SAP130: variants seen among roughly 807,000 people sequenced by gnomAD.
SAP130 encodes the protein histone deacetylase complex subunit SAP130.
Under a neutral mutation model 103.2 loss-of-function variants are expected in SAP130, and 16 were observed. The observed-to-expected ratio is 0.16, with a 90% CI of 0.10 to 0.24. SAP130 has a LOEUF of 0.24. Among genes scored for constraint, SAP130 ranks in the 10% least tolerant of loss-of-function variants. SAP130 has a pLI of 1.00. For synonymous variants in SAP130, 477 were observed against 497.0 expected (o/e 0.96, Z 0.53); for missense variants, 990 against 1,359.7 (o/e 0.73, Z 4.28).
At chr2:128,003,324 T>C (rs756371934) in intron 7 of SAP130, among the ~76,000 whole-genome samples, 2 of 151,626 alleles carry the variant, frequency 1.3e-5, no homozygotes, top group African/African-American at 2.4e-5. Flanking sequence ...CTGAGCAACA[T>C]GGCAAGGCCC....
chr2:127,998,838 C>T (rs1340203999), intron 10 of SAP130, among the ~76,000 whole-genome samples: 3 of 152,146 alleles, frequency 2.0e-5, no homozygotes, highest in African/African-American at 4.8e-5. Context: ...TACAAATACC[C>T]GAGTGAGGCT....
intron 19 of SAP130, 36 bp downstream of exon 19, chr2:127,945,420 T>C (rs1250616086): frequency 7.8e-7 from 1 of 1,285,148 alleles, no homozygotes; most frequent in Admixed American, 1.7e-5. Context: ...TTCTCCTCTC[T>C]TCAGCATGAT....
chr2:127,965,654 G>A (rs1573678536), intron 15 of SAP130, among the ~76,000 whole-genome samples: 2 of 152,178 alleles, frequency 1.3e-5, no homozygotes, highest in African/African-American at 4.8e-5. Context: ...GCTGGGCATA[G>A]TGGCACACGC....
Position 128,005,281 on chromosome 2 carries a change from G to C in SAP130, c.870-4827C>G, listed in dbSNP as rs144353077. Reference sequence around the variant, plus strand: ...AAAATGCAGTCAAGGGCGGAGAAGAGTATGAAAGCAACATTAAAGGGAACA... The same window carrying C: ...AAAATGCAGTCAAGGGCGGAGAAGACTATGAAAGCAACATTAAAGGGAACA... On this transcript the variant is annotated intron_variant, in intron 7 of 20. Transcript: ENST00000643581. Among the ~76,000 whole-genome samples the C allele has an allele frequency of 1.4e-4, 22 of 152,250 alleles. No homozygotes were observed. The East Asian group carries it at 4.3e-3, about 29-fold the overall frequency.
intron 2 of SAP130, among the ~76,000 whole-genome samples, chr2:128,025,409 C>T (rs1685435716): frequency 6.6e-6 from 1 of 152,188 alleles, no homozygotes; most frequent in African/African-American, 2.4e-5. Context: ...TTCTACCACT[C>T]AAAGGGTATA....
chr2:127,942,355 G>A lies in SAP130; in HGVS notation c.3015+69C>T. 8.3e-7 allele frequency: 1 copy of A among 1,200,028 alleles called. No individual in the cohort carries two copies. Among genetic ancestry groups the A allele is most frequent in the Non-Finnish European group, 1.2e-6 (1 of 808,378 alleles). The allele number at this position is 1,200,028 out of a possible 1,614,324, so 74.3% of individuals were successfully genotyped here. On this transcript the variant is annotated intron_variant, in intron 20 of 20. Transcript: ENST00000643581. This position sits in a 1 kb window ranked among gnomAD's most constrained non-coding sequence, Gnocchi z 4.8. ...ATATGAGGGAGACGGGGGGAAACGG[G>A]AGAAGTAGGGCTTTACAGAAAGCAA...
At chr2:127,976,200 A>G (rs1042316085) in intron 15 of SAP130, among the ~76,000 whole-genome samples, 1 of 152,194 alleles carries the variant, frequency 6.6e-6, no homozygotes, top group Non-Finnish European at 1.5e-5. Flanking sequence ...AAGTATCCTT[A>G]TATCAAAGCC....
At position 127,974,954 on chromosome 2, in the gene SAP130, G is replaced by A. The variant is rs766609925; in HGVS notation, c.2063+3031C>T. The stretch of plus-strand genomic sequence containing the variant: ...GCAATAGGTTGTACCACATAGTCTA[G>A]GTATGCAGTAGGCCATCCCATATAG... On this transcript the variant is annotated intron_variant, in intron 15 of 20. Transcript: ENST00000643581. 4.1e-4 allele frequency among the ~76,000 whole-genome samples: 62 copies of A among 152,160 alleles called. 1 individual carries two copies. The highest frequency in any genetic ancestry group is 1.3e-4 in the Admixed American group (2 of 15,268).
At chr2:128,027,107 G>GCA in intron 1 of SAP130, 1 of 1,416,340 alleles carries the variant, frequency 7.1e-7, no homozygotes, top group Non-Finnish European at 9.3e-7. Flanking sequence ...GCCGCCGCCC[G>GCA]CCGCCCGCAC....
chr2:128,001,156 C>T (rs1009405949), intron 7 of SAP130, among the ~76,000 whole-genome samples: 3 of 152,168 alleles, frequency 2.0e-5, no homozygotes, highest in African/African-American at 7.2e-5. Flanking sequence ...GAAGGGAAAT[C>T]AACAGAGGAT....
chr2:127,987,183 TTTTTTC>T (rs1682463529), intron 13 of SAP130, among the ~76,000 whole-genome samples: 1 of 152,294 alleles, frequency 6.6e-6, no homozygotes, highest in South Asian at 2.1e-4. Flanking sequence ...CATACCATTA[TTTTTTC>T]TTTTTCTTTG....
rs70985489 is a variant in SAP130 at position 127,944,433 on chromosome 2, AT to A, written c.2901+1022del. ...AACATAGTGAGACCCTGTCTCTACA[AT>A]TTTTTTTTTCCCCGAGAGGGAGTTT... On this transcript the variant is annotated intron_variant, in intron 19 of 20. Coordinates refer to ENST00000643581, the MANE Select transcript of SAP130 (RefSeq NM_001330301.2). 7.1e-4 allele frequency among the ~76,000 whole-genome samples: 107 copies of A among 150,278 alleles called. 1 individual carries two copies. The highest frequency in any genetic ancestry group is 2.5e-3 in the African/African-American group (103 of 41,040).
At chr2:127,956,910 G>C (rs2104771057) in intron 15 of SAP130, among the ~76,000 whole-genome samples, 1 of 152,232 alleles carries the variant, frequency 6.6e-6, no homozygotes, top group South Asian at 2.1e-4. Flanking sequence ...CTGTGTTGTT[G>C]TTGAGTGAGA....
chr2:127,963,057 C>CTTCT (rs1680373396), intron 15 of SAP130, among the ~76,000 whole-genome samples: 1 of 151,322 alleles, frequency 6.6e-6, no homozygotes, highest in Admixed American at 6.6e-5. Flanking sequence ...ACTGGACTTA[C>CTTCT]TTCTTTATTC....
At position 127,980,696 on chromosome 2, in the gene SAP130, C is replaced by A. The variant is rs117920886; in HGVS notation, c.1959-2607G>T. 2.0e-5 allele frequency among the ~76,000 whole-genome samples: 3 copies of A among 152,240 alleles called. No homozygotes were observed. In the East Asian group the frequency reaches 5.8e-4, roughly 29 times the overall value. ...CAGGTGCTCACGCATGTAATCCTAG[C>A]ACTTTGGGAGGCTGAACCAGGTGGA... On this transcript the variant is annotated intron_variant, in intron 14 of 20. Coordinates refer to ENST00000643581, the MANE Select transcript of SAP130 (RefSeq NM_001330301.2).
chr2:128,001,475 C>T (rs1444812723), intron 7 of SAP130, among the ~76,000 whole-genome samples: 1 of 152,200 alleles, frequency 6.6e-6, no homozygotes, highest in Non-Finnish European at 1.5e-5. Context: ...AAGTTAGTTA[C>T]TCGGTATTCT....
At chr2:127,971,222 G>C (rs906677340) in intron 15 of SAP130, among the ~76,000 whole-genome samples, 8 of 151,546 alleles carry the variant, frequency 5.3e-5, no homozygotes, top group African/African-American at 1.9e-4. Context: ...TAAGGTGCTA[G>C]AATTATAGGC....
At position 128,013,136 on chromosome 2, in the gene SAP130, ACAG is replaced by A. The variant is rs1440065021; in HGVS notation, c.635_637del (p.Ala212del). On this transcript the variant is annotated inframe_deletion, in exon 6 of 21. Transcript: ENST00000643581. The stretch of plus-strand genomic sequence containing the variant: ...TGTGGTTACTTTAGAACTGGACATC[ACAG>A]CAGCAGCAGCTGCACCTGAAAAAAA... 5.6e-6 allele frequency: 9 copies of A among 1,597,424 alleles called. No individual in the cohort carries two copies. Among genetic ancestry groups the A allele is most frequent in the East Asian group, 4.5e-5 (2 of 44,514 alleles).
At chr2:128,024,806 G>C (rs148315420) in intron 2 of SAP130, among the ~76,000 whole-genome samples, 1 of 151,810 alleles carries the variant, frequency 6.6e-6, no homozygotes, top group Admixed American at 6.6e-5. Flanking sequence ...TTAAACCCAG[G>C]AGGCAGAGAC....
Sources: allele counts gnomAD v4.1 joint callset (sites outside exome capture counted in the v4.1 genomes callset), GRCh38; gene constraint gnomAD v4.1.1; non-coding constraint Gnocchi (gnomAD v3.1); transcripts MANE v1.5; gene names NCBI Gene and HGNC (gene_info 2026-07-23, HGNC 2026-07-21).